Variants in VDAC3 observed in about 807,000 individuals in gnomAD.
The protein encoded by VDAC3 is voltage dependent anion channel 3.
VDAC3 carries 7 observed loss-of-function variants against 33.9 expected under a neutral mutation model. The observed-to-expected ratio is 0.21, with a 90% CI of 0.12 to 0.39. The LOEUF (loss-of-function observed/expected upper bound fraction) is 0.39, where lower values mean the gene tolerates loss of function less well. VDAC3 is among the 10% of genes least tolerant of loss of function. The probability of loss-of-function intolerance (pLI) is 1.00; values close to 1 mark genes in which losing one functional copy is unlikely to be tolerated. For synonymous variants in VDAC3, 100 were observed against 122.4 expected (o/e 0.82, Z 1.21); for missense variants, 261 against 334.5 (o/e 0.78, Z 1.71).
intron 9 of VDAC3, 42 bp downstream of exon 9, chr8:42,404,966 T>C (rs767412889): frequency 4.2e-5 from 66 of 1,573,230 alleles, no homozygotes; most frequent in Non-Finnish European, 5.6e-5. Flanking sequence ...AGGTGGAAGG[T>C]GATAGAGAAA....
chr8:42,400,029 A>G (rs917549946), intron 6 of VDAC3, among the ~76,000 whole-genome samples: 10 of 152,328 alleles, frequency 6.6e-5, no homozygotes, highest in African/African-American at 2.2e-4. Context: ...TGGACATGGT[A>G]TTCTGCTGAG....
At chr8:42,397,723 G>A (rs980839382) in intron 4 of VDAC3, 1 of 152,088 alleles carries the variant, frequency 6.6e-6, no homozygotes, top group Non-Finnish European at 1.5e-5. Context: ...CACTCTTAAA[G>A]GTAGACAGGA....
chr8:42,398,291 C>G (rs905092595), intron 4 of VDAC3, among the ~76,000 whole-genome samples: 2 of 152,146 alleles, frequency 1.3e-5, no homozygotes, highest in African/African-American at 4.8e-5. Flanking sequence ...TGTCTCACTC[C>G]GTTGCCCAGG....
chr8:42,405,648 G>A lies in VDAC3; in HGVS notation c.*186G>A. 3 of 544,768 alleles carry A rather than the reference G, an allele frequency of 5.5e-6. 1 individual carries two copies. The South Asian group carries it at 6.7e-5, about 12-fold the overall frequency. 33.7% of individuals were successfully genotyped at this position (544,768 alleles called of 1,614,324 possible). A position where few individuals can be genotyped will look rare whatever the true frequency, so the allele number is the denominator to read the frequency against. On this transcript the variant is annotated 3_prime_UTR_variant, in exon 10 of 10. Transcript: ENST00000022615. Reference sequence around the variant, plus strand: ...TCCCTCCTGAGGGAGATGCTTGAAGGCATGCCTGGAAGTTGTCATGTTTGT... The same window carrying A: ...TCCCTCCTGAGGGAGATGCTTGAAGACATGCCTGGAAGTTGTCATGTTTGT...
In VDAC3 at chr8:42,403,455, T is replaced by A. The variant is rs1206290808; in HGVS notation, c.696T>A (p.Ser232=). Residue 232 remains serine, a synonymous_variant, in exon 8 of 10, where the codon TCT becomes TCA. Coordinates refer to ENST00000022615, the MANE Select transcript of VDAC3 (RefSeq NM_005662.7). Reference sequence around the variant, plus strand: ...AGTACATGCTGGATTGTAGAACTTCTCTCTCTGTAAGAATGTGCTGCCAGA... The same window carrying A: ...AGTACATGCTGGATTGTAGAACTTCACTCTCTGTAAGAATGTGCTGCCAGA... ...AAKYMLDCRT[S]LSAKVNNASL... 1 of 1,577,628 alleles carries A rather than the reference T, an allele frequency of 6.3e-7. No homozygotes were observed. The highest frequency in any genetic ancestry group is 1.4e-5 in the African/African-American group (1 of 73,236).
At chr8:42,396,029 G>A (rs978068667) in intron 4 of VDAC3, among the ~76,000 whole-genome samples, 2 of 151,602 alleles carry the variant, frequency 1.3e-5, no homozygotes, top group East Asian at 1.9e-4. Flanking sequence ...AGGCCAAGGC[G>A]GGCGGATCAC....
intron 4 of VDAC3, 99 bp downstream of exon 4, chr8:42,395,232 G>C: frequency 6.5e-7 from 1 of 1,534,896 alleles, no homozygotes; most frequent in Non-Finnish European, 8.8e-7. Flanking sequence ...GCACCATGCT[G>C]TCTTCCCCAC....
intron 1 of VDAC3, 137 bp from the exon 2 acceptor site, chr8:42,393,708 A>T (rs979041178): frequency 5.1e-6 from 2 of 390,476 alleles, no homozygotes; most frequent in Non-Finnish European, 4.5e-6. Flanking sequence ...GATATATTCT[A>T]GATGAATACA....
chr8:42,401,202 C>CT (rs1291382482), intron 6 of VDAC3, among the ~76,000 whole-genome samples: 4 of 151,548 alleles, frequency 2.6e-5, no homozygotes, highest in South Asian at 4.2e-4. Context: ...CTTATTCATT[C>CT]TTTTTTTTTC....
chr8:42,394,991 G>T, intron 3 of VDAC3, 93 bp from the exon 4 acceptor site: 3 of 1,446,436 alleles, frequency 2.1e-6, no homozygotes, highest in Non-Finnish European at 2.9e-6. Context: ...CATATGGAAG[G>T]TACTATAGGC....
Position 42,405,716 on chromosome 8 carries a change from C to G in VDAC3, c.*254C>G, listed in dbSNP as rs771817972. 12 of 406,826 alleles carry G rather than the reference C, an allele frequency of 2.9e-5. No individual in the cohort carries two copies. The highest frequency in any genetic ancestry group is 4.5e-5 in the Non-Finnish European group (10 of 221,486). The allele number at this position is 406,826 out of a possible 1,614,324, so 25.2% of individuals were successfully genotyped here. The stretch of plus-strand genomic sequence containing the variant: ...TTCTGAAGTGTTATTAAATGTGTTC[C>G]TCAGCGACAGTGTAGCGTCATGTTA... On this transcript the variant is annotated 3_prime_UTR_variant, in exon 10 of 10. Transcript: ENST00000022615.
chr8:42,394,758 G>C (rs1802275582), intron 3 of VDAC3, among the ~76,000 whole-genome samples: 1 of 151,972 alleles, frequency 6.6e-6, no homozygotes, highest in African/African-American at 2.4e-5. Context: ...TTATTAACTA[G>C]TAATGTTAAC....
chr8:42,400,518 G>A (rs2130889509), intron 6 of VDAC3, among the ~76,000 whole-genome samples: 1 of 151,918 alleles, frequency 6.6e-6, no homozygotes, highest in Non-Finnish European at 1.5e-5. Flanking sequence ...AAAAAAAGGG[G>A]GATTGTGTCA....
chr8:42,403,849 G>A (rs574640598), intron 8 of VDAC3, among the ~76,000 whole-genome samples: 14 of 148,104 alleles, frequency 9.5e-5, no homozygotes, highest in Non-Finnish European at 1.8e-4. Context: ...TTGCACTCCA[G>A]CCTGGGTGAC....
chr8:42,403,087 C>T (rs755488218), intron 7 of VDAC3: 3 of 530,266 alleles, frequency 5.7e-6, no homozygotes, highest in Non-Finnish European at 6.6e-6. Flanking sequence ...TGTGGAGGAG[C>T]CAAGTAAATG....
intron 4 of VDAC3, chr8:42,396,707 C>T: frequency 2.9e-6 from 2 of 684,532 alleles, no homozygotes; most frequent in Admixed American, 2.2e-5. Context: ...TATTCGTATG[C>T]TTGTTTTTAT....
intron 4 of VDAC3, among the ~76,000 whole-genome samples, chr8:42,396,175 A>G (rs1273048135): frequency 6.6e-6 from 1 of 152,096 alleles, no homozygotes; most frequent in African/African-American, 2.4e-5. Flanking sequence ...GGAGAATGGC[A>G]TGAACCCAGG....
chr8:42,405,477 A>G lies in VDAC3; in HGVS notation c.*15A>G. ...TGGAAGCTTAATGTGGTTTGAGGAAAGCATCAGATTTGTCCCTGGAAGTGA... is the reference window on the plus strand; with the variant it reads ...TGGAAGCTTAATGTGGTTTGAGGAAGGCATCAGATTTGTCCCTGGAAGTGA... On this transcript the variant is annotated 3_prime_UTR_variant, in exon 10 of 10. Transcript: ENST00000022615. 6.2e-7 allele frequency: 1 copy of G among 1,606,876 alleles called. No individual in the cohort carries two copies. Among genetic ancestry groups the G allele is most frequent in the Non-Finnish European group, 8.5e-7 (1 of 1,175,332 alleles).
intron 4 of VDAC3, among the ~76,000 whole-genome samples, chr8:42,397,850 A>G (rs1256036821): frequency 1.3e-5 from 2 of 152,242 alleles, no homozygotes; most frequent in Non-Finnish European, 2.9e-5. Context: ...ACACAAAAGC[A>G]TTAAAGTTTT....
Sources: gnomAD v4.1 joint callset for allele counts (sites outside exome capture counted in the v4.1 genomes callset) on GRCh38, gnomAD v4.1.1 for gene constraint, MANE v1.5 for transcripts, NCBI Gene and HGNC (gene_info 2026-07-23, HGNC 2026-07-21) for gene names.